PSG6: variants seen among roughly 807,000 people sequenced by gnomAD.
PSG6 encodes pregnancy-specific beta-1-glycoprotein 6.
Under a neutral mutation model 43.3 loss-of-function variants are expected in PSG6, and 51 were observed. That is an observed-to-expected ratio of 1.18 (90% CI 0.94 to 1.49). The LOEUF (loss-of-function observed/expected upper bound fraction) is 1.49, where lower values mean the gene tolerates loss of function less well. Ranked by LOEUF, PSG6 falls within the 40% of genes most tolerant of loss-of-function variation. The probability of loss-of-function intolerance (pLI) is 0.00; values close to 1 mark genes in which losing one functional copy is unlikely to be tolerated. For synonymous variants in PSG6, 292 were observed against 197.6 expected (o/e 1.48, Z -4.01); for missense variants, 770 against 522.2 (o/e 1.47, Z -4.62).
chr19:42,905,762 A>T (rs534824988), intron 5 of PSG6, among the ~76,000 whole-genome samples: 12 of 151,730 alleles, frequency 7.9e-5, no homozygotes, highest in Middle Eastern at 3.2e-3. Context: ...ATTACAATAC[A>T]TCGTGCAAAA....
At chr19:42,916,039 C>T (rs1295990393) in intron 2 of PSG6, 86 bp downstream of exon 2, 5 of 1,587,506 alleles carry the variant, frequency 3.1e-6, no homozygotes, top group Non-Finnish European at 3.4e-6. Flanking sequence ...GTGACACAGG[C>T]AGAGTCCAGG....
Position 42,917,623 on chromosome 19 carries a change from T to A in PSG6, c.64+106A>T, listed in dbSNP as rs946740411. The A allele has an allele frequency of 8.9e-5, 134 of 1,510,600 alleles. 3 individuals are homozygous for A. The highest frequency in any genetic ancestry group is 1.1e-4 in the Non-Finnish European group (119 of 1,103,608). 93.6% of individuals were successfully genotyped at this position (1,510,600 alleles called of 1,614,324 possible). Reference sequence around the variant, plus strand: ...CGTGATCCACCCACCTCAGCCTCCCTAAGTGCTGGCTTCTTTTATTTTTTA... The same window carrying A: ...CGTGATCCACCCACCTCAGCCTCCCAAAGTGCTGGCTTCTTTTATTTTTTA... On this transcript the variant is annotated intron_variant, in intron 1 of 5. Transcript: ENST00000187910.
intron 5 of PSG6, chr19:42,903,726 A>T (rs987334198): frequency 1.8e-5 from 3 of 170,018 alleles, no homozygotes; most frequent in South Asian, 2.6e-4. Context: ...CTGTCTCTAC[A>T]AAAAAAAAAA....
At position 42,902,349 on chromosome 19, in the gene PSG6, T is replaced by A; in HGVS notation, c.*63A>T. 1 of 1,575,818 alleles carries A rather than the reference T, an allele frequency of 6.3e-7. No homozygotes were observed. Among genetic ancestry groups the A allele is most frequent in the South Asian group, 1.2e-5 (1 of 85,982 alleles). On this transcript the variant is annotated 3_prime_UTR_variant, in exon 6 of 6. Coordinates refer to ENST00000187910, the MANE Select transcript of PSG6 (RefSeq NM_001031850.4). ...AATAACATTGAGTTTTTTTCTTCTT[T>A]GTCTTGAATTTCATGAAGGTATCAA...
intron 5 of PSG6, among the ~76,000 whole-genome samples, chr19:42,904,085 T>C (rs1721521255): frequency 1.3e-5 from 2 of 151,548 alleles, no homozygotes; most frequent in Admixed American, 1.3e-4. Context: ...ATTGAATCAA[T>C]AAAAGCATTT....
rs1204283110 is a variant in PSG6, at chr19:42,917,063, C to A, written c.65-576G>T. Among the ~76,000 whole-genome samples, 3 of 141,550 alleles carry A rather than the reference C, an allele frequency of 2.1e-5. 1 individual carries two copies. Among genetic ancestry groups the A allele is most frequent in the Non-Finnish European group, 3.0e-5 (2 of 65,842 alleles). The allele number at this position is 141,550 out of a possible 152,430, so 92.9% of individuals were successfully genotyped here. A position where few individuals can be genotyped will look rare whatever the true frequency, so the allele number is the denominator to read the frequency against. On this transcript the variant is annotated intron_variant, in intron 1 of 5. Transcript: ENST00000187910. ...AGATGTGAGAGTTCTCAGGGCCCTC[C>A]ATGCCCTGGGTGTTTTTTTTCCCCC... is the stretch of plus-strand genomic sequence containing the variant.
At chr19:42,906,691 G>T in intron 5 of PSG6, 2 of 1,451,440 alleles carry the variant, frequency 1.4e-6, no homozygotes, top group Admixed American at 5.2e-5. Context: ...GGCTGATAAA[G>T]CCCCCTCCCT....
intron 5 of PSG6, chr19:42,903,538 C>T: frequency 1.6e-6 from 2 of 1,269,994 alleles, no homozygotes; most frequent in Non-Finnish European, 2.1e-6. Context: ...ACAAAATTGA[C>T]AACCATTAAC....
intron 3 of PSG6, among the ~76,000 whole-genome samples, chr19:42,908,203 T>G (rs1429959861): frequency 2.6e-5 from 4 of 151,632 alleles, no homozygotes; most frequent in Non-Finnish European, 5.9e-5. Context: ...AATGTGCAAC[T>G]GCTGGGCCCC....
In PSG6 at chr19:42,907,873, A is replaced by G. The variant is rs758948266; in HGVS notation, c.707-19T>C. On this transcript the variant is annotated intron_variant, in intron 3 of 5. Coordinates refer to ENST00000187910, the MANE Select transcript of PSG6 (RefSeq NM_001031850.4). ...AGCTTCGCTGTGTGGATAACAGAAG[A>G]TTGTCCTGTGTGGCACCTTTGATTC... The G allele has an allele frequency of 2.5e-5, 40 of 1,607,768 alleles. 2 individuals are homozygous for G. Among genetic ancestry groups the G allele is most frequent in the Middle Eastern group, 1.8e-4 (1 of 5,680 alleles).
Position 42,907,195 on chromosome 19 carries a change from A to C in PSG6, c.986-19T>G, listed in dbSNP as rs764007438. 2.4e-5 allele frequency: 39 copies of C among 1,606,884 alleles called. 2 individuals carry two copies. The Middle Eastern group carries it at 5.0e-4, about 20-fold the overall frequency. On this transcript the variant is annotated intron_variant, in intron 4 of 5. Transcript: ENST00000187910. ...GGACCATCTGGAGGAAAGAGAATAA[A>C]GCCACAGGTGATGTCATCCAAGGGA...
At chr19:42,908,030 C>T (rs1171728460) in intron 3 of PSG6, 176 bp from the exon 4 acceptor site, 5 of 1,066,986 alleles carry the variant, frequency 4.7e-6, no homozygotes, top group Middle Eastern at 3.1e-4. Flanking sequence ...GACTGTGAGG[C>T]CTCCTGCTCT....
At position 42,907,027 on chromosome 19, in the gene PSG6, A is replaced by G. The variant is rs1972126038; in HGVS notation, c.1135T>C (p.Phe379Leu). Residue 379 changes from phenylalanine to leucine, a missense_variant, in exon 5 of 6, where the codon TTT (phenylalanine) becomes CTT (leucine). Coordinates refer to ENST00000187910, the MANE Select transcript of PSG6 (RefSeq NM_001031850.4). ...TGATTTGTAGTAATTTGGGGGATAA[A>G]GAGCTTTTGTCCTGATAGCTGAAAC... ...GKFQLSGQKL[F>L]IPQITTNHSG... The G allele has an allele frequency of 1.2e-6, 2 of 1,612,578 alleles. No homozygotes were observed. Among genetic ancestry groups the G allele is most frequent in the Non-Finnish European group, 1.7e-6 (2 of 1,179,168 alleles).
At chr19:42,912,241 G>T (rs2122638672) in intron 2 of PSG6, among the ~76,000 whole-genome samples, 1 of 151,638 alleles carries the variant, frequency 6.6e-6, no homozygotes, top group South Asian at 2.1e-4. Flanking sequence ...TTGTAATACT[G>T]TAATTTTCCC....
At position 42,907,627 on chromosome 19, in the gene PSG6, G is replaced by T. The variant is rs140150194; in HGVS notation, c.934C>A (p.Arg312=). 8 of 1,611,750 alleles carry T rather than the reference G, an allele frequency of 5.0e-6. No homozygotes were observed. Among genetic ancestry groups the T allele is most frequent in the South Asian group, 3.3e-5 (3 of 90,800 alleles). ...NETGPYQCEI[R]DRYGGIRSNP... ...CTGCGGATGCCACCATATCGGTCCC[G>T]TATTTCACATTGATAGGGTCCTGTT... The change falls in exon 4 of 6, where the codon CGG becomes AGG. Residue 312 remains arginine, a synonymous_variant. Transcript: ENST00000187910.
At chr19:42,914,326 A>G (rs1471964723) in intron 2 of PSG6, among the ~76,000 whole-genome samples, 1 of 151,380 alleles carries the variant, frequency 6.6e-6, no homozygotes, top group African/African-American at 2.4e-5. Context: ...CAGAACAGCC[A>G]GCCTAGTTAG....
At chr19:42,904,730 G>A (rs1261457449) in intron 5 of PSG6, among the ~76,000 whole-genome samples, 1 of 151,612 alleles carries the variant, frequency 6.6e-6, no homozygotes, top group Non-Finnish European at 1.5e-5. Context: ...GTGAGCTGCA[G>A]ATTCAATACA....
chr19:42,917,769 G>A lies in PSG6; in HGVS notation c.24C>T (p.Pro8=). 6.2e-7 allele frequency: 1 copy of A among 1,610,284 alleles called. No individual in the cohort carries two copies. The highest frequency in any genetic ancestry group is 2.2e-5 in the East Asian group (1 of 44,692). ...CCTTCCAGGTGATGTGCTGAGTGCA[G>A]GGAGGGGCTGAGAGGGGTCCCATGG... MGPLSAP[P]CTQHITWKGL... is the part of the protein sequence containing the mutation. The change falls in exon 1 of 6, where the codon CCC becomes CCT. Residue 8 remains proline, a synonymous_variant. Coordinates refer to ENST00000187910, the MANE Select transcript of PSG6 (RefSeq NM_001031850.4).
intron 5 of PSG6, among the ~76,000 whole-genome samples, chr19:42,905,935 A>C (rs1600539249): frequency 6.6e-6 from 1 of 151,670 alleles, no homozygotes; most frequent in Non-Finnish European, 1.5e-5. Flanking sequence ...AGTGAGAGTT[A>C]CTGTTTATTG....
Sources: gnomAD v4.1 joint callset for allele counts (sites outside exome capture counted in the v4.1 genomes callset) on GRCh38, gnomAD v4.1.1 for gene constraint, MANE v1.5 for transcripts, NCBI Gene and HGNC (gene_info 2026-07-23, HGNC 2026-07-21) for gene names.